The following PIK3C3 variants were observed in gnomAD, a reference collection of about 807,000 sequenced individuals.
The protein encoded by PIK3C3 is phosphatidylinositol 3-kinase catalytic subunit type 3, also known as PI3-kinase type 3.
A neutral mutation model predicts 126.1 loss-of-function variants in PIK3C3; 95 were observed. That is an observed-to-expected ratio of 0.75 (90% confidence interval 0.64 to 0.89). The LOEUF is 0.89. Ranked by LOEUF, PIK3C3 falls within the 40% of genes least tolerant of loss-of-function variation. The pLI, the probability that PIK3C3 is intolerant of heterozygous loss-of-function variation, is 0.00. For missense variants in PIK3C3, 829 were observed against 1,063.2 expected (o/e 0.78, Z 3.06); for synonymous variants, 374 against 360.0 (o/e 1.04, Z -0.44).
chr18:42,039,787 C>A (rs1262506887), intron 18 of PIK3C3, among the ~76,000 whole-genome samples: 1 of 152,174 alleles, frequency 6.6e-6, no homozygotes, highest in East Asian at 1.9e-4. Context: ...CCAAGTGAAG[C>A]TTATAAGCTT....
At chr18:42,017,934 A>G (rs1172206720) in intron 12 of PIK3C3, among the ~76,000 whole-genome samples, 1 of 151,682 alleles carries the variant, frequency 6.6e-6, no homozygotes, top group Non-Finnish European at 1.5e-5. Flanking sequence ...TTGTGGTTGT[A>G]GCTGTATTTT....
intron 4 of PIK3C3, among the ~76,000 whole-genome samples, chr18:41,979,140 G>C (rs1445187693): frequency 6.6e-6 from 1 of 151,166 alleles, no homozygotes; most frequent in African/African-American, 2.4e-5. Flanking sequence ...CTGCTTGCAA[G>C]GTTGGCCCTT....
Position 41,966,198 on chromosome 18 carries a change from T to TTTTTTTTTTTTTTTTTTTTTTTC in PIK3C3, c.401+3568_401+3569insTTTTTTTTTTTTTTTTTTTTCTT, listed in dbSNP as rs1568112582. ...GTTCCTTTTTTTTTTTTTTTTTTTT[T>TTTTTTTTTTTTTTTTTTTTTTTC]TTGAGATGGATTCTCTGTCGCCCTG... On this transcript the variant is annotated intron_variant, in intron 3 of 24. Transcript: ENST00000262039. 1.4e-5 allele frequency among the ~76,000 whole-genome samples: 2 copies of TTTTTTTTTTTTTTTTTTTTTTTC among 143,614 alleles called. 1 individual carries two copies. The allele number at this position is 143,614 out of a possible 152,430, so 94.2% of individuals were successfully genotyped here.
rs1398248923 is a variant in PIK3C3, at chr18:42,049,446, G to C, written c.2189-85G>C. ...CATTAGAAAACAAATTGATATTAAAGTTGCACAAACTGCTTTTATATTCAG... is the reference window on the plus strand; with the variant it reads ...CATTAGAAAACAAATTGATATTAAACTTGCACAAACTGCTTTTATATTCAG... On this transcript the variant is annotated intron_variant, in intron 20 of 24. Transcript: ENST00000262039. The C allele has an allele frequency of 4.5e-6, 4 of 892,572 alleles. No homozygotes were observed. In the African/African-American group the frequency reaches 6.7e-5, roughly 15 times the overall value. The allele number at this position is 892,572 out of a possible 1,614,324, so 55.3% of individuals were successfully genotyped here.
chr18:41,996,086 A>G (rs1982011106), intron 8 of PIK3C3, 92 bp downstream of exon 8: 5 of 795,934 alleles, frequency 6.3e-6, no homozygotes, highest in South Asian at 1.5e-5. Context: ...AATTATTTAG[A>G]TGCACATTTT....
chr18:42,029,096 C>A (rs928727237), intron 14 of PIK3C3, among the ~76,000 whole-genome samples: 4 of 152,100 alleles, frequency 2.6e-5, no homozygotes, highest in Non-Finnish European at 4.4e-5. Context: ...TGTAGATAGA[C>A]CAGTATTTGC....
At chr18:42,022,095 C>A (rs1598904087) in intron 13 of PIK3C3, among the ~76,000 whole-genome samples, 1 of 152,210 alleles carries the variant, frequency 6.6e-6, no homozygotes, top group East Asian at 1.9e-4. Flanking sequence ...GGGTACTGCC[C>A]CTGTACTTAA....
Position 42,036,726 on chromosome 18 carries a change from C to G in PIK3C3, c.1840-966C>G, listed in dbSNP as rs1172513276. ...ACTGTGGGGAAAACATAATATTATT[C>G]CAGAATAAAAGATACAGATATTTGA... On this transcript the variant is annotated intron_variant, in intron 16 of 24. Transcript: ENST00000262039. 2.0e-5 allele frequency among the ~76,000 whole-genome samples: 3 copies of G among 151,704 alleles called. No homozygotes were observed. The East Asian group carries it at 5.8e-4, about 29-fold the overall frequency.
intron 20 of PIK3C3, among the ~76,000 whole-genome samples, chr18:42,046,327 A>G (rs941955688): frequency 2.6e-5 from 4 of 152,108 alleles, no homozygotes; most frequent in African/African-American, 4.8e-5. Context: ...TGCAGGGTGT[A>G]AGAAAAAAAT....
At chr18:41,993,245 A>T (rs201233793) in intron 6 of PIK3C3, 25 bp from the exon 7 acceptor site, 13 of 1,505,936 alleles carry the variant, frequency 8.6e-6, no homozygotes, top group East Asian at 6.8e-5. Flanking sequence ...TTCTTTTTTT[A>T]AAAAATTATT....
intron 7 of PIK3C3, among the ~76,000 whole-genome samples, chr18:41,994,068 C>T (rs776312935): frequency 2.6e-5 from 4 of 152,000 alleles, no homozygotes; most frequent in South Asian, 2.1e-4. Flanking sequence ...AGTTACCTTC[C>T]TCATCAGACC....
chr18:42,031,478 A>T (rs1251298652), intron 15 of PIK3C3, among the ~76,000 whole-genome samples: 2 of 152,020 alleles, frequency 1.3e-5, no homozygotes, highest in South Asian at 4.1e-4. Flanking sequence ...GTACCATGGT[A>T]CTGTGGCATG....
chr18:42,021,569 A>T (rs9989595), intron 13 of PIK3C3, among the ~76,000 whole-genome samples: 34,086 of 152,154 alleles, frequency 0.22, 4,310 homozygotes, highest in South Asian at 0.4. Flanking sequence ...GAGAATCCTT[A>T]AAACTACTTA....
chr18:41,965,339 G>A (rs1320081624), intron 3 of PIK3C3, among the ~76,000 whole-genome samples: 2 of 152,210 alleles, frequency 1.3e-5, no homozygotes, highest in Non-Finnish European at 2.9e-5. Context: ...TTTCTGACTA[G>A]GATGTAGTTG....
chr18:42,050,591 C>G (rs1349524800), intron 21 of PIK3C3: 2 of 152,234 alleles, frequency 1.3e-5, no homozygotes, highest in Non-Finnish European at 2.9e-5. Flanking sequence ...ACCTCAAAGT[C>G]ATTCTTAACA....
chr18:42,037,972 A>G (rs956635023), intron 17 of PIK3C3, 152 bp downstream of exon 17: 9 of 642,100 alleles, frequency 1.4e-5, no homozygotes, highest in Admixed American at 1.0e-4. Context: ...GAAAAAATTT[A>G]GTTGCTTTTA....
At chr18:42,040,505 G>C (rs900034654) in intron 18 of PIK3C3, among the ~76,000 whole-genome samples, 172 bp from the exon 19 acceptor site, 2 of 152,044 alleles carry the variant, frequency 1.3e-5, no homozygotes, top group Non-Finnish European at 2.9e-5. Flanking sequence ...TTTTCTTACA[G>C]GTCCTATGAC....
At chr18:42,044,753 TA>T (rs903047342) in intron 20 of PIK3C3, among the ~76,000 whole-genome samples, 1 of 152,114 alleles carries the variant, frequency 6.6e-6, no homozygotes, top group Non-Finnish European at 1.5e-5. Flanking sequence ...TTTTTATAAC[TA>T]GATTGTTTAT....
Position 42,081,318 on chromosome 18 carries a change from T to C in PIK3C3, c.*181T>C, listed in dbSNP as rs1011006488. 2.1e-6 allele frequency: 1 copy of C among 483,668 alleles called. No individual in the cohort carries two copies. Among genetic ancestry groups the C allele is most frequent in the African/African-American group, 2.0e-5 (1 of 50,620 alleles). The allele number at this position is 483,668 out of a possible 1,614,324, so 30.0% of individuals were successfully genotyped here. ...GCTTCCTTGGATGTCATTGCTTAAA[T>C]ATAGTCTTGAAGGGCTTGTTTTGAA... is the stretch of plus-strand genomic sequence containing the variant. On this transcript the variant is annotated 3_prime_UTR_variant, in exon 25 of 25. Transcript: ENST00000262039.
Sources: gnomAD v4.1 joint callset for allele counts (sites outside exome capture counted in the v4.1 genomes callset) on GRCh38, gnomAD v4.1.1 for gene constraint, MANE v1.5 for transcripts, NCBI Gene and HGNC (gene_info 2026-07-23, HGNC 2026-07-21) for gene names.